The following PHC3 variants were observed in gnomAD, a reference collection of about 807,000 sequenced individuals.
The protein encoded by PHC3 is polyhomeotic homolog 3.
Under a neutral mutation model 107.4 loss-of-function variants are expected in PHC3, and 13 were observed. That is an observed-to-expected ratio of 0.12 (90% CI 0.08 to 0.19). The LOEUF is 0.19. Ranked by LOEUF, PHC3 falls within the 10% of genes least tolerant of loss-of-function variation. PHC3 has a pLI of 1.00. For synonymous variants in PHC3, 456 were observed against 427.4 expected, an observed-to-expected ratio of 1.07 and a Z score of -0.83; for missense variants, 992 against 1,210.9, an observed-to-expected ratio of 0.82 and a Z score of 2.68.
chr3:170,161,132 C>T (rs147694322), intron 4 of PHC3, among the ~76,000 whole-genome samples: 1,853 of 152,224 alleles, frequency 0.012, 39 homozygotes, highest in African/African-American at 0.042. Flanking sequence ...ATAACACATA[C>T]AAACTATTTA....
chr3:170,123,181 T>C (rs1416835110), intron 8 of PHC3, among the ~76,000 whole-genome samples: 2 of 152,204 alleles, frequency 1.3e-5, no homozygotes. Flanking sequence ...TGTAGGATTC[T>C]ATCCCAGGCT....
chr3:170,096,524 T>C lies in PHC3; in HGVS notation c.*706A>G, dbSNP rs1714663759. 6.6e-6 allele frequency: 1 copy of C among 151,412 alleles called. No homozygotes were observed. Among genetic ancestry groups the C allele is most frequent in the African/African-American group, 2.4e-5 (1 of 41,322 alleles). 9.4% of individuals were successfully genotyped at this position (151,412 alleles called of 1,614,324 possible). A position where few individuals can be genotyped will look rare whatever the true frequency, so the allele number is the denominator to read the frequency against. On this transcript the variant is annotated 3_prime_UTR_variant, in exon 15 of 15. Transcript: ENST00000495893. Reference sequence around the variant, plus strand: ...CTGTGACAACCAAAATGTCTCAACATTGCCAGATGTCCCCTGGCGATCAAA... The same window carrying C: ...CTGTGACAACCAAAATGTCTCAACACTGCCAGATGTCCCCTGGCGATCAAA...
At chr3:170,150,434 G>A (rs557675234) in intron 4 of PHC3, among the ~76,000 whole-genome samples, 6 of 149,178 alleles carry the variant, frequency 4.0e-5, no homozygotes, top group African/African-American at 9.9e-5. Context: ...AGTGGCTCAC[G>A]CCTGTAATTC....
chr3:170,166,153 T>C (rs530392567), intron 4 of PHC3, among the ~76,000 whole-genome samples: 1 of 152,124 alleles, frequency 6.6e-6, no homozygotes, highest in African/African-American at 2.4e-5. Context: ...CAAGTGATTC[T>C]CCTGCCTCAG....
rs1201433942 is a variant in PHC3 at position 170,180,364 on chromosome 3, G to T, written c.14+1338C>A. 5.3e-5 allele frequency among the ~76,000 whole-genome samples: 8 copies of T among 152,180 alleles called. No individual in the cohort carries two copies. The East Asian group carries it at 1.5e-3, about 29-fold the overall frequency. ...CTTGAGAGGCTAAGGTGGGGAAATC[G>T]CTTGAGCCCAAGAGGGCCAGGCTGC... On this transcript the variant is annotated intron_variant, in intron 1 of 14. Transcript: ENST00000495893.
At position 170,132,471 on chromosome 3, in the gene PHC3, C is replaced by G. The variant is rs373572766; in HGVS notation, c.920-2919G>C. Among the ~76,000 whole-genome samples, 8 of 152,218 alleles carry G rather than the reference C, an allele frequency of 5.3e-5. No homozygotes were observed. The South Asian group carries it at 1.4e-3, about 28-fold the overall frequency. On this transcript the variant is annotated intron_variant, in intron 7 of 14. Transcript: ENST00000495893. ...CCCAATGTGTATTTGTAGATGGGGC[C>G]TCTAAGGAAGTAACAAAGGTTAAAT...
At position 170,097,451 on chromosome 3, in the gene PHC3, T is replaced by C; in HGVS notation, c.2834-67A>G. The C allele has an allele frequency of 2.7e-6, 4 of 1,483,226 alleles. No individual in the cohort carries two copies. The highest frequency in any genetic ancestry group is 3.7e-6 in the Non-Finnish European group (4 of 1,093,876). The allele number at this position is 1,483,226 out of a possible 1,614,324, so 91.9% of individuals were successfully genotyped here. ...AACAATTAGACATTACTCCTAACAG[T>C]CACAGTTATGCTCTCACTGGGTCTG... On this transcript the variant is annotated intron_variant, in intron 14 of 14. Coordinates refer to ENST00000495893, the MANE Select transcript of PHC3 (RefSeq NM_024947.4). This position sits in a 1 kb window ranked among gnomAD's most constrained non-coding sequence, Gnocchi z 4.1.
chr3:170,155,839 T>A (rs1368885183), intron 4 of PHC3, among the ~76,000 whole-genome samples: 3 of 152,158 alleles, frequency 2.0e-5, no homozygotes, highest in African/African-American at 7.2e-5. Context: ...CACCACTACC[T>A]GTGAGAACAG....
intron 10 of PHC3, among the ~76,000 whole-genome samples, chr3:170,115,877 T>TCTCACACACACACACA (rs1553782582): frequency 1.3e-5 from 2 of 148,458 alleles, no homozygotes; most frequent in Non-Finnish European, 3.0e-5. Context: ...TCCAAGTTTC[T>TCTCACACACACACACA]CACACACACA....
chr3:170,146,877 C>CTTTTTTT (rs1035803336), intron 5 of PHC3, among the ~76,000 whole-genome samples: 58 of 97,966 alleles, frequency 5.9e-4, no homozygotes, highest in Non-Finnish European at 8.2e-4. Flanking sequence ...TCTATTTTTT[C>CTTTTTTT]TTTTTTTTTT....
At chr3:170,112,133 G>A (rs186704221) in intron 11 of PHC3, among the ~76,000 whole-genome samples, 383 of 152,156 alleles carry the variant, frequency 2.5e-3, no homozygotes, top group Non-Finnish European at 4.1e-3. Context: ...CAAATTCAAG[G>A]TATAAAATAC....
At chr3:170,163,882 A>AGGC in intron 4 of PHC3, among the ~76,000 whole-genome samples, 4 of 146,050 alleles carry the variant, frequency 2.7e-5, no homozygotes, top group African/African-American at 8.1e-5. Context: ...AAAAAAAAAA[A>AGGC]AAGGCAGGCA....
At chr3:170,175,881 G>A (rs1432654801) in intron 2 of PHC3, among the ~76,000 whole-genome samples, 89 of 149,358 alleles carry the variant, frequency 6.0e-4, no homozygotes, top group Non-Finnish European at 1.1e-3. Flanking sequence ...CCAAGATCGC[G>A]CCACTGCACT....
intron 12 of PHC3, among the ~76,000 whole-genome samples, chr3:170,103,800 C>T (rs1715935514): frequency 6.6e-6 from 1 of 152,196 alleles, no homozygotes; most frequent in Non-Finnish European, 1.5e-5. Context: ...ACCTGTAATC[C>T]CAGCACTTTG....
At chr3:170,130,906 G>C (rs1396600730) in intron 7 of PHC3, among the ~76,000 whole-genome samples, 1 of 151,854 alleles carries the variant, frequency 6.6e-6, no homozygotes, top group Non-Finnish European at 1.5e-5. Flanking sequence ...TTTAAAGACA[G>C]GGCAATTTTT....
In PHC3 at chr3:170,141,008, A is replaced by G. The variant is rs1577130038; in HGVS notation, c.673-4343T>C. ...ATTTAACATAGTAAATAAAAGTGAG[A>G]TATTCCAAATTTCTCATTTTTACAC... On this transcript the variant is annotated intron_variant, in intron 6 of 14. Transcript: ENST00000495893. Among the ~76,000 whole-genome samples, 4 of 152,300 alleles carry G rather than the reference A, an allele frequency of 2.6e-5. No homozygotes were observed. The Middle Eastern group carries it at 0.01, about 389-fold the overall frequency.
intron 11 of PHC3, among the ~76,000 whole-genome samples, chr3:170,109,408 G>GT (rs1450065946): frequency 6.6e-6 from 1 of 152,130 alleles, no homozygotes; most frequent in African/African-American, 2.4e-5. Context: ...GGAAATAAAA[G>GT]TAACATTCTA....
chr3:170,174,098 T>C (rs897432905), intron 2 of PHC3, among the ~76,000 whole-genome samples: 7 of 152,076 alleles, frequency 4.6e-5, no homozygotes, highest in South Asian at 2.1e-4. Flanking sequence ...GAGGCTCAGG[T>C]GGGAGAACTG....
intron 14 of PHC3, among the ~76,000 whole-genome samples, chr3:170,100,135 G>C (rs1255889103): frequency 1.3e-5 from 2 of 152,154 alleles, no homozygotes; most frequent in East Asian, 1.9e-4. Context: ...AAAGAGAAGA[G>C]AAAACTGGAG....
Sources: allele counts gnomAD v4.1 joint callset (sites outside exome capture counted in the v4.1 genomes callset), GRCh38; gene constraint gnomAD v4.1.1; non-coding constraint Gnocchi (gnomAD v3.1); transcripts MANE v1.5; gene names NCBI Gene and HGNC (gene_info 2026-07-23, HGNC 2026-07-21).